GPI: variants seen among roughly 807,000 people sequenced by gnomAD.
GPI encodes the protein D-hexose-6-phosphate anomerase.
GPI carries 56 observed loss-of-function variants against 75.8 expected under a neutral mutation model. The ratio of observed to expected loss-of-function variants is 0.74; its 90% CI spans 0.60 to 0.92. The LOEUF (loss-of-function observed/expected upper bound fraction) is 0.92. Among genes scored for constraint, GPI ranks in the 40% least tolerant of loss-of-function variants. GPI has a pLI of 0.00. For missense variants in GPI, 638 were observed against 741.0 expected, an observed-to-expected ratio of 0.86 and a Z score of 1.61; for synonymous variants, 288 against 285.4, an observed-to-expected ratio of 1.01 and a Z score of -0.09.
rs778976371 is a variant in GPI, at chr19:34,366,365, A to T, written c.143A>T (p.His48Leu). ...NHFSLTLNTN[H>L]GHILVDYSKN... is the part of the protein sequence containing the mutation. ...TGCAGCTTGACCCTCAACACCAACC[A>T]TGGGCATATCCTGGTGGATTACTCC... Residue 48 changes from histidine (H) to leucine (L), a missense_variant, in exon 2 of 18, where the codon CAT becomes CTT. Physicochemically the swap from His to Leu is moderately conservative, Grantham distance 99. Transcript: ENST00000356487. 8.7e-6 allele frequency: 14 copies of T among 1,612,314 alleles called. No individual in the cohort carries two copies. The South Asian group carries it at 1.2e-4, about 14-fold the overall frequency.
chr19:34,365,242 A>C lies in GPI; in HGVS notation c.-25A>C. 6.7e-7 allele frequency: 1 copy of C among 1,503,062 alleles called. No homozygotes were observed. Among genetic ancestry groups the C allele is most frequent in the Non-Finnish European group, 8.9e-7 (1 of 1,125,686 alleles). 93.1% of individuals were successfully genotyped at this position (1,503,062 alleles called of 1,614,324 possible). On this transcript the variant is annotated 5_prime_UTR_variant, in exon 1 of 18. Coordinates refer to ENST00000356487, the MANE Select transcript of GPI (RefSeq NM_000175.5). Reference sequence around the variant, plus strand: ...CTCCTTCCTCCTCGGCTCGCGTCTCACTCAGTGTACCTTCTAGTCCCGCCA... The same window carrying C: ...CTCCTTCCTCCTCGGCTCGCGTCTCCCTCAGTGTACCTTCTAGTCCCGCCA...
At chr19:34,369,643 G>T (rs1270070799) in intron 4 of GPI, among the ~76,000 whole-genome samples, 2 of 151,686 alleles carry the variant, frequency 1.3e-5, no homozygotes, top group African/African-American at 4.9e-5. Flanking sequence ...TGCGGCAGAG[G>T]TTGCAGTGAG....
At chr19:34,377,661 A>G (rs2074568604) in intron 5 of GPI, 74 bp from the exon 6 acceptor site, 7 of 1,590,248 alleles carry the variant, frequency 4.4e-6, no homozygotes, top group African/African-American at 1.3e-5. Context: ...TACTTTCTCC[A>G]GGGATGGGAC....
chr19:34,368,735 C>A, intron 4 of GPI, 33 bp downstream of exon 4: 1 of 1,613,492 alleles, frequency 6.2e-7, no homozygotes. Flanking sequence ...TCACCCTTGG[C>A]CGTGTGTGTG....
rs939249390 is a variant in GPI at position 34,399,899 on chromosome 19, A to T, written c.1542-2A>T. 8.7e-6 allele frequency: 14 copies of T among 1,613,910 alleles called. No individual in the cohort carries two copies. The highest frequency in any genetic ancestry group is 1.0e-5 in the Non-Finnish European group (12 of 1,180,006). On this transcript the variant is annotated splice_acceptor_variant, in intron 17 of 17. Coordinates refer to ENST00000356487, the MANE Select transcript of GPI (RefSeq NM_000175.5). LOFTEE classifies it high-confidence loss of function. ...TCTTCCCTTCCCTTCCCTTCTTGGCAGAGTGGAGCTGGGAAAGCAGCTGGC... is the reference window on the plus strand; with the variant it reads ...TCTTCCCTTCCCTTCCCTTCTTGGCTGAGTGGAGCTGGGAAAGCAGCTGGC...
chr19:34,369,960 G>C (rs998306825), intron 4 of GPI, among the ~76,000 whole-genome samples: 1 of 152,224 alleles, frequency 6.6e-6, no homozygotes, highest in African/African-American at 2.4e-5. Context: ...TTCCTGTGAA[G>C]TCTTCCAGAA....
chr19:34,400,264 G>A lies in GPI; in HGVS notation c.*228G>A, dbSNP rs575488560. On this transcript the variant is annotated 3_prime_UTR_variant, in exon 18 of 18. Transcript: ENST00000356487. ...TTGGCTGAAGTGTTTTTGTGCAGCTGACTTTTCTGACCCATGTTCACGTTG... is the reference window on the plus strand; with the variant it reads ...TTGGCTGAAGTGTTTTTGTGCAGCTAACTTTTCTGACCCATGTTCACGTTG... 129 of 613,634 alleles carry A rather than the reference G, an allele frequency of 2.1e-4. 1 individual carries two copies. Among genetic ancestry groups the A allele is most frequent in the Middle Eastern group, 1.3e-3 (3 of 2,306 alleles). 38.0% of individuals were successfully genotyped at this position (613,634 alleles called of 1,614,324 possible). A position where few individuals can be genotyped will look rare whatever the true frequency, so the allele number is the denominator to read the frequency against.
At chr19:34,382,879 C>T (rs1298630503) in intron 9 of GPI, among the ~76,000 whole-genome samples, 3 of 152,134 alleles carry the variant, frequency 2.0e-5, no homozygotes, top group Non-Finnish European at 4.4e-5. Flanking sequence ...GCTAGACAGC[C>T]CACAACGGCT....
Position 34,394,048 on chromosome 19 carries a change from T to A in GPI, c.1044T>A (p.Phe348Leu), listed in dbSNP as rs1220030591. Residue 348 changes from phenylalanine (F) to leucine (L), a missense_variant, in exon 12 of 18, where the codon TTT (phenylalanine) becomes TTA (leucine). Coordinates refer to ENST00000356487, the MANE Select transcript of GPI (RefSeq NM_000175.5). ...CCTATGACCAGTACCTGCACCGCTT[T>A]GCTGCGTACTTCCAGCAGGTACCAG... ...MLPYDQYLHR[F>L]AAYFQQGDME... 6.2e-7 allele frequency: 1 copy of A among 1,612,212 alleles called. No individual in the cohort carries two copies. Among genetic ancestry groups the A allele is most frequent in the African/African-American group, 1.3e-5 (1 of 74,922 alleles).
intron 4 of GPI, among the ~76,000 whole-genome samples, chr19:34,376,560 T>C (rs2074539170): frequency 7.2e-6 from 1 of 138,806 alleles, no homozygotes; most frequent in African/African-American, 2.8e-5. Context: ...TGAGACCCTG[T>C]CTCAAAAAAA....
upstream of GPI, chr19:34,364,883 C>G: frequency 1.7e-6 from 2 of 1,193,082 alleles, no homozygotes; most frequent in South Asian, 2.8e-5. Flanking sequence ...ATGAAGCCGA[C>G]TAGTGCACAG....
At position 34,399,642 on chromosome 19, in the gene GPI, AG is replaced by A; in HGVS notation, c.1474+15del. On this transcript the variant is annotated intron_variant, in intron 16 of 17. Transcript: ENST00000356487. ...TTGGAGCCTTGGTCGGTGAGTGAGT[AG>A]GGGAAAGGTCCTGGCTTGGGGTAGG... 6.2e-7 allele frequency: 1 copy of A among 1,613,992 alleles called. No homozygotes were observed. The highest frequency in any genetic ancestry group is 8.5e-7 in the Non-Finnish European group (1 of 1,179,884).
chr19:34,384,717 T>A (rs2074706499), intron 9 of GPI, among the ~76,000 whole-genome samples: 2 of 152,206 alleles, frequency 1.3e-5, no homozygotes, highest in South Asian at 4.2e-4. Flanking sequence ...TCTGGCACAG[T>A]GAGCAGGTCT....
chr19:34,367,246 A>G (rs2074381657), intron 3 of GPI: 1 of 352,030 alleles, frequency 2.8e-6, no homozygotes, highest in African/African-American at 2.1e-5. Context: ...AGCAGTGGTG[A>G]GGCCAGGCCT....
chr19:34,361,387 C>T (rs574186107), upstream of GPI, among the ~76,000 whole-genome samples: 4 of 152,206 alleles, frequency 2.6e-5, no homozygotes, highest in African/African-American at 7.2e-5. Context: ...CCACCGTGCC[C>T]GGCCTCATTT....
At chr19:34,371,075 G>C (rs558411334) in intron 4 of GPI, among the ~76,000 whole-genome samples, 3 of 152,394 alleles carry the variant, frequency 2.0e-5, no homozygotes. Flanking sequence ...AGTGCTGTGT[G>C]ATCAGTCTGG....
At chr19:34,360,221 C>A (rs2145301230), upstream of GPI, among the ~76,000 whole-genome samples, 1 of 152,262 alleles carries the variant, frequency 6.6e-6, no homozygotes, top group South Asian at 2.1e-4. Context: ...GGATTCTGAG[C>A]CCTAAGCTCT....
chr19:34,371,409 G>GATGT (rs1195934173), intron 4 of GPI, among the ~76,000 whole-genome samples: 18 of 152,314 alleles, frequency 1.2e-4, no homozygotes, highest in African/African-American at 4.1e-4. Context: ...GTCATCCTGG[G>GATGT]CACCAATAGG....
At position 34,378,931 on chromosome 19, in the gene GPI, C is replaced by T. The variant is rs1338399874; in HGVS notation, c.634-3C>T. 45 of 1,613,726 alleles carry T rather than the reference C, an allele frequency of 2.8e-5. No homozygotes were observed. Among genetic ancestry groups the T allele is most frequent in the Non-Finnish European group, 3.6e-5 (42 of 1,179,668 alleles). On this transcript the variant is annotated splice_region_variant and splice_polypyrimidine_tract_variant and intron_variant, in intron 6 of 17. Transcript: ENST00000356487. ...CGCCCACTGCTGTTCTCTTTGGTTG[C>T]AGACCTTTACTACCCAGGAGACCAT...
Sources: gnomAD v4.1 joint callset for allele counts (sites outside exome capture counted in the v4.1 genomes callset) on GRCh38, gnomAD v4.1.1 for gene constraint, MANE v1.5 for transcripts, NCBI Gene and HGNC (gene_info 2026-07-23, HGNC 2026-07-21) for gene names.